The following ALK variants were observed in gnomAD, a reference collection of about 807,000 sequenced individuals.
The protein encoded by ALK is ALK tyrosine kinase receptor.
Under a neutral mutation model 163.1 loss-of-function variants are expected in ALK, and 74 were observed. That is an observed-to-expected ratio of 0.45 (90% CI 0.38 to 0.55). The LOEUF (loss-of-function observed/expected upper bound fraction) is 0.55. ALK is among the 20% of genes least tolerant of loss of function. ALK has a pLI of 0.00. For synonymous variants in ALK, 960 were observed against 843.2 expected, an observed-to-expected ratio of 1.14 and a Z score of -2.40; for missense variants, 2,063 against 2,105.3, an observed-to-expected ratio of 0.98 and a Z score of 0.39.
chr2:29,278,755 G>T (rs796881757), intron 9 of ALK, among the ~76,000 whole-genome samples: 4 of 152,330 alleles, frequency 2.6e-5, no homozygotes, highest in African/African-American at 9.6e-5. Context: ...AAGGACTCAG[G>T]TTCCCTGTGG....
intron 19 of ALK, chr2:29,223,915 C>G (rs1276479190): frequency 2.9e-5 from 11 of 374,814 alleles, no homozygotes; most frequent in Admixed American, 4.3e-5. Flanking sequence ...AACCAGCAGA[C>G]TGTGTTGCAA....
chr2:29,793,525 A>G (rs754605663), intron 1 of ALK, among the ~76,000 whole-genome samples: 3 of 152,198 alleles, frequency 2.0e-5, no homozygotes, highest in Non-Finnish European at 2.9e-5. Context: ...ACGAATCACT[A>G]TCTATGGCAG....
At chr2:29,880,201 G>A (rs751560191) in intron 1 of ALK, among the ~76,000 whole-genome samples, 10 of 152,290 alleles carry the variant, frequency 6.6e-5, no homozygotes, top group Middle Eastern at 3.4e-3. Flanking sequence ...GCTGCCTTGG[G>A]AGGCAGTCTC....
At chr2:29,557,579 C>T (rs1673898142) in intron 3 of ALK, among the ~76,000 whole-genome samples, 1 of 152,056 alleles carries the variant, frequency 6.6e-6, no homozygotes, top group Non-Finnish European at 1.5e-5. Context: ...ACCAAGGGTC[C>T]TACATGAATG....
intron 2 of ALK, among the ~76,000 whole-genome samples, chr2:29,704,845 G>A (rs569495695): frequency 3.3e-5 from 5 of 152,222 alleles, no homozygotes; most frequent in Admixed American, 6.5e-5. Context: ...AGCTCCAGGC[G>A]CATCAGCCTT....
At position 29,295,169 on chromosome 2, in the gene ALK, C is replaced by A. The variant is rs183815827; in HGVS notation, c.1817+1719G>T. ...GGACAGTTTGGTCTCAGTATCAATA[C>A]TGGAAATGTTAGTCTGGTAAACAGC... On this transcript the variant is annotated intron_variant, in intron 9 of 28. Coordinates refer to ENST00000389048, the MANE Select transcript of ALK (RefSeq NM_004304.5). 5.3e-5 allele frequency among the ~76,000 whole-genome samples: 8 copies of A among 152,276 alleles called. No individual in the cohort carries two copies. The East Asian group carries it at 1.5e-3, about 29-fold the overall frequency.
intron 3 of ALK, among the ~76,000 whole-genome samples, chr2:29,532,582 T>C (rs1403681165): frequency 6.6e-6 from 1 of 152,220 alleles, no homozygotes; most frequent in East Asian, 1.9e-4. Flanking sequence ...ATTTCAGCTC[T>C]TGAGCCTATG....
chr2:29,385,027 G>A (rs1408918438), intron 4 of ALK, among the ~76,000 whole-genome samples: 2 of 151,732 alleles, frequency 1.3e-5, no homozygotes, highest in Admixed American at 6.6e-5. Flanking sequence ...CCAGCCTGGC[G>A]ATACAGACTC....
intron 3 of ALK, among the ~76,000 whole-genome samples, chr2:29,648,803 T>C (rs1163284922): frequency 6.6e-6 from 1 of 152,186 alleles, no homozygotes; most frequent in Non-Finnish European, 1.5e-5. Context: ...TATTCTCTTA[T>C]TTTGATGTGG....
intron 4 of ALK, among the ~76,000 whole-genome samples, chr2:29,445,403 A>C (rs981324466): frequency 8.5e-5 from 13 of 152,244 alleles, no homozygotes; most frequent in African/African-American, 3.1e-4. Context: ...TAAAAAGACA[A>C]TTACTTAGGG....
intron 1 of ALK, among the ~76,000 whole-genome samples, chr2:29,727,361 C>T (rs1679603813): frequency 6.6e-6 from 1 of 152,200 alleles, no homozygotes; most frequent in Non-Finnish European, 1.5e-5. Flanking sequence ...TAAGAAGCCC[C>T]AGCTCCAGAT....
chr2:29,286,632 A>G (rs1244823760), intron 9 of ALK: 1 of 146,498 alleles, frequency 6.8e-6, no homozygotes, highest in African/African-American at 2.5e-5. Flanking sequence ...TCTCTTGTTT[A>G]TTTATTTATT....
intron 1 of ALK, among the ~76,000 whole-genome samples, chr2:29,785,971 G>A (rs2148353821): frequency 6.6e-6 from 1 of 150,540 alleles, no homozygotes; most frequent in Middle Eastern, 3.4e-3. Context: ...TACCCTCTCT[G>A]CAAGGTTGGA....
At chr2:29,337,066 G>T (rs1573249990) in intron 5 of ALK, among the ~76,000 whole-genome samples, 1 of 152,280 alleles carries the variant, frequency 6.6e-6, no homozygotes, top group South Asian at 2.1e-4. Flanking sequence ...ACATGAAAAT[G>T]GATGGTGACA....
chr2:29,192,927 A>G lies in ALK; in HGVS notation c.*297T>C. The stretch of plus-strand genomic sequence containing the variant: ...ATTGAAGCAGAGCACACACAATTTG[A>G]AAGAAGCATAAGGAAGTATACAACA... On this transcript the variant is annotated 3_prime_UTR_variant, in exon 29 of 29. Transcript: ENST00000389048. The G allele has an allele frequency of 2.2e-6, 1 of 457,456 alleles. No homozygotes were observed. The allele number at this position is 457,456 out of a possible 1,614,324, so 28.3% of individuals were successfully genotyped here.
chr2:29,389,207 A>G (rs1410726475), intron 4 of ALK, among the ~76,000 whole-genome samples: 2 of 152,218 alleles, frequency 1.3e-5, no homozygotes, highest in Middle Eastern at 6.3e-3. Context: ...AGAAAGAATA[A>G]ACATAGGTAC....
chr2:29,793,111 T>C (rs1664229150), intron 1 of ALK, among the ~76,000 whole-genome samples: 1 of 152,190 alleles, frequency 6.6e-6, no homozygotes, highest in Non-Finnish European at 1.5e-5. Context: ...TTATGTAATA[T>C]TTTAAACCCT....
At chr2:29,732,573 A>G (rs1240945550) in intron 1 of ALK, among the ~76,000 whole-genome samples, 1 of 152,140 alleles carries the variant, frequency 6.6e-6, no homozygotes, top group Non-Finnish European at 1.5e-5. Context: ...TGTTAGGGAG[A>G]ACTGTGGACT....
chr2:29,626,365 G>A (rs917875711), intron 3 of ALK, among the ~76,000 whole-genome samples: 2 of 152,114 alleles, frequency 1.3e-5, no homozygotes, highest in African/African-American at 4.8e-5. Flanking sequence ...TAAGTCTCAA[G>A]AGATCTGATG....
Sources: gnomAD v4.1 joint callset for allele counts (sites outside exome capture counted in the v4.1 genomes callset) on GRCh38, gnomAD v4.1.1 for gene constraint, MANE v1.5 for transcripts, NCBI Gene and HGNC (gene_info 2026-07-23, HGNC 2026-07-21) for gene names.